Variants in ARAP2 observed in about 807,000 individuals in gnomAD.
ARAP2 encodes the protein ArfGAP with RhoGAP domain, ankyrin repeat and PH domain 2.
ARAP2 carries 148 observed loss-of-function variants against 194.5 expected under a neutral mutation model. That is an observed-to-expected ratio of 0.76 (90% confidence interval 0.67 to 0.87). The LOEUF is 0.87. Among genes scored for constraint, ARAP2 ranks in the 40% least tolerant of loss-of-function variants. ARAP2 has a pLI of 0.00. For missense variants in ARAP2, 2,128 were observed against 1,989.7 expected, an observed-to-expected ratio of 1.07 and a Z score of -1.32; for synonymous variants, 695 against 683.5, an observed-to-expected ratio of 1.02 and a Z score of -0.26.
chr4:36,233,787 A>G (rs1751953961), intron 1 of ARAP2, among the ~76,000 whole-genome samples: 1 of 152,194 alleles, frequency 6.6e-6, no homozygotes, highest in Non-Finnish European at 1.5e-5. Flanking sequence ...CTGTCACTAT[A>G]ATTATTTTCA....
intron 28 of ARAP2, among the ~76,000 whole-genome samples, chr4:36,089,912 G>T (rs946323192): frequency 1.3e-5 from 2 of 151,638 alleles, no homozygotes; most frequent in Non-Finnish European, 2.9e-5. Context: ...TCTCAATCTG[G>T]GACTTGCCTA....
intron 9 of ARAP2, among the ~76,000 whole-genome samples, chr4:36,167,293 A>G (rs1163860190): frequency 4.6e-5 from 7 of 152,124 alleles, no homozygotes; most frequent in African/African-American, 1.7e-4. Context: ...ACTGAACTAG[A>G]CATGCTTTGC....
chr4:36,137,181 TG>T (rs1727053161), intron 19 of ARAP2, among the ~76,000 whole-genome samples: 1 of 151,904 alleles, frequency 6.6e-6, no homozygotes, highest in Admixed American at 6.6e-5. Flanking sequence ...CATAAGTACA[TG>T]ATTTGAAATG....
At chr4:36,240,359 T>C (rs1055857849) in intron 1 of ARAP2, among the ~76,000 whole-genome samples, 2 of 152,216 alleles carry the variant, frequency 1.3e-5, no homozygotes, top group African/African-American at 4.8e-5. Context: ...AAACCCACAA[T>C]GCACCTAACA....
chr4:36,129,950 A>T (rs993445421), intron 20 of ARAP2, among the ~76,000 whole-genome samples: 2 of 151,706 alleles, frequency 1.3e-5, no homozygotes, highest in Non-Finnish European at 2.9e-5. Context: ...CATGTTCTTT[A>T]TCTTGTTCCT....
Position 36,177,981 on chromosome 4 carries a change from A to G in ARAP2, c.1703T>C (p.Ile568Thr), listed in dbSNP as rs757109465. 7.5e-6 allele frequency: 12 copies of G among 1,605,424 alleles called. No homozygotes were observed. The highest frequency in any genetic ancestry group is 2.2e-5 in the South Asian group (2 of 89,152). Residue 568 changes from isoleucine to threonine, a missense_variant, in exon 9 of 33, where the codon ATA becomes ACA. Coordinates refer to ENST00000303965, the MANE Select transcript of ARAP2 (RefSeq NM_015230.4). ...KEEERNDWIS[I>T]LLNALKSQSL... ...TTGTGATTTCAGTGCATTTAATAGT[A>G]TGCTGATCCAGTCATTTCTCTCCTC...
At position 36,213,318 on chromosome 4, in the gene ARAP2, A is replaced by G. The variant is rs202000704; in HGVS notation, c.966T>C (p.Asn322=). 5 of 1,595,748 alleles carry G rather than the reference A, an allele frequency of 3.1e-6. No homozygotes were observed. The Admixed American group carries it at 6.7e-5, about 21-fold the overall frequency. The change falls in exon 4 of 33, where the codon AAT becomes AAC. Residue 322 remains asparagine, a splice_region_variant and synonymous_variant. Transcript: ENST00000303965. ...TGGAAGATGAATTCTCCTCATTTGA[A>G]TCTTTTAGGGGAATTACAGGATGAG... The part of the protein sequence containing the change: ...TSTEKSVAWQ[N]SNEENSSSIF...
intron 21 of ARAP2, 116 bp from the exon 22 acceptor site, chr4:36,125,083 A>C (rs188893562): frequency 5.6e-4 from 341 of 607,886 alleles, no homozygotes; most frequent in African/African-American, 5.5e-3. Context: ...AGGTGATACA[A>C]TCAGGTTTCA....
intron 15 of ARAP2, 56 bp from the exon 16 acceptor site, chr4:36,151,100 A>T: frequency 7.0e-7 from 1 of 1,428,174 alleles, no homozygotes; most frequent in Non-Finnish European, 9.5e-7. Flanking sequence ...ATCCAATTTT[A>T]AAAACAAAAA....
chr4:36,194,756 T>C (rs1742703812), intron 6 of ARAP2, among the ~76,000 whole-genome samples: 1 of 152,210 alleles, frequency 6.6e-6, no homozygotes, highest in South Asian at 2.1e-4. Context: ...TGAGATTCTT[T>C]ACTGCAGACA....
At chr4:36,082,513 AGAG>A (rs1335996111) in intron 29 of ARAP2, among the ~76,000 whole-genome samples, 1 of 152,118 alleles carries the variant, frequency 6.6e-6, no homozygotes, top group Admixed American at 6.6e-5. Context: ...TATGGGGCAG[AGAG>A]GAGATGTCTC....
chr4:36,192,530 T>C (rs1228815522), intron 7 of ARAP2, among the ~76,000 whole-genome samples: 1 of 152,192 alleles, frequency 6.6e-6, no homozygotes, highest in Admixed American at 6.6e-5. Context: ...GTCTCACTCC[T>C]GAGTAGTTTT....
At chr4:36,122,128 A>G (rs1276016918) in intron 22 of ARAP2, among the ~76,000 whole-genome samples, 1 of 151,730 alleles carries the variant, frequency 6.6e-6, no homozygotes, top group Non-Finnish European at 1.5e-5. Flanking sequence ...CAGATGCTAG[A>G]GGGGTTATGG....
At position 36,128,750 on chromosome 4, in the gene ARAP2, GT is replaced by G. The variant is rs748185765; in HGVS notation, c.3428-6del. 1.4e-6 allele frequency: 2 copies of G among 1,424,274 alleles called. No individual in the cohort carries two copies. The highest frequency in any genetic ancestry group is 9.2e-7 in the Non-Finnish European group (1 of 1,091,000). 88.2% of individuals were successfully genotyped at this position (1,424,274 alleles called of 1,614,324 possible). On this transcript the variant is annotated splice_region_variant and splice_polypyrimidine_tract_variant and intron_variant, in intron 20 of 32. Coordinates refer to ENST00000303965, the MANE Select transcript of ARAP2 (RefSeq NM_015230.4). ...AGATATATTTGCATCCTAAACCTTTGTTTAAAAAAAAAAAGTTATACTTTAA... is the reference window on the plus strand; with the variant it reads ...AGATATATTTGCATCCTAAACCTTTGTTAAAAAAAAAAAGTTATACTTTAA...
intron 11 of ARAP2, among the ~76,000 whole-genome samples, chr4:36,162,452 C>CA (rs1734310858): frequency 1.3e-5 from 2 of 152,248 alleles, no homozygotes; most frequent in East Asian, 3.9e-4. Context: ...AATCATCATT[C>CA]AGTCATCACT....
At chr4:36,177,380 C>T (rs2109849698) in intron 9 of ARAP2, among the ~76,000 whole-genome samples, 1 of 152,042 alleles carries the variant, frequency 6.6e-6, no homozygotes, top group South Asian at 2.1e-4. Flanking sequence ...ATAAAACAGA[C>T]CAATAATATT....
chr4:36,184,460 T>C (rs554927442), intron 8 of ARAP2, among the ~76,000 whole-genome samples: 1 of 152,312 alleles, frequency 6.6e-6, no homozygotes, highest in South Asian at 2.1e-4. Flanking sequence ...CAACTTATTT[T>C]AAAAACGAAA....
chr4:36,080,294 T>A lies in ARAP2; in HGVS notation c.4545-15A>T. The A allele has an allele frequency of 1.2e-6, 2 of 1,604,750 alleles. No individual in the cohort carries two copies. The highest frequency in any genetic ancestry group is 1.7e-6 in the Non-Finnish European group (2 of 1,172,192). On this transcript the variant is annotated splice_polypyrimidine_tract_variant and intron_variant, in intron 30 of 32. Coordinates refer to ENST00000303965, the MANE Select transcript of ARAP2 (RefSeq NM_015230.4). ...AACACAGGTGCCTGCAAAACGAGGT[T>A]TATAAACTATGTCATTCAAAAAGAC... is the stretch of plus-strand genomic sequence containing the variant.
At chr4:36,219,317 CAAAG>C in intron 2 of ARAP2, among the ~76,000 whole-genome samples, 1 of 152,286 alleles carries the variant, frequency 6.6e-6, no homozygotes. Context: ...GAGATTCACA[CAAAG>C]AAACACTATT....
Sources: allele counts gnomAD v4.1 joint callset (sites outside exome capture counted in the v4.1 genomes callset), GRCh38; gene constraint gnomAD v4.1.1; transcripts MANE v1.5; gene names NCBI Gene and HGNC (gene_info 2026-07-23, HGNC 2026-07-21).